The following NPM1 variants were observed in gnomAD, a reference collection of about 807,000 sequenced individuals.
NPM1 encodes nucleophosmin 1.
In NPM1, 1 loss-of-function variant was observed where a neutral mutation model predicts 44.1. The ratio of observed to expected loss-of-function variants is 0.02; its 90% CI spans 0.01 to 0.11. The LOEUF (loss-of-function observed/expected upper bound fraction) is 0.11. Ranked by LOEUF, NPM1 falls within the 10% of genes least tolerant of loss-of-function variation. The pLI is 1.00. For synonymous variants in NPM1, 126 were observed against 111.8 expected (o/e 1.13, Z -0.80); for missense variants, 197 against 347.8 (o/e 0.57, Z 3.45).
intron 6 of NPM1, among the ~76,000 whole-genome samples, chr5:171,394,096 C>T (rs12520481): frequency 0.42 from 58,437 of 138,184 alleles, 11,886 homozygotes; most frequent in East Asian, 0.56. Context: ...GGCTGGAGTG[C>T]GGTGGCGCCA....
intron 2 of NPM1, among the ~76,000 whole-genome samples, chr5:171,390,562 C>T (rs1161840458): frequency 6.6e-6 from 1 of 152,158 alleles, no homozygotes; most frequent in Non-Finnish European, 1.5e-5. Context: ...CTGAGGACAA[C>T]ATTGCACAAA....
intron 8 of NPM1, among the ~76,000 whole-genome samples, 192 bp from the exon 9 acceptor site, chr5:171,405,110 T>A (rs1771492864): frequency 6.6e-6 from 1 of 152,204 alleles, no homozygotes; most frequent in Non-Finnish European, 1.5e-5. Context: ...GCTAATCATC[T>A]TATTCCTTCC....
chr5:171,410,366 A>G (rs1303947018), intron 10 of NPM1, among the ~76,000 whole-genome samples, 161 bp from the exon 11 acceptor site: 1 of 152,238 alleles, frequency 6.6e-6, no homozygotes, highest in Non-Finnish European at 1.5e-5. Flanking sequence ...ATTAAATTAC[A>G]TCTGAGTATA....
In NPM1 at chr5:171,387,877, G is replaced by T. The variant is rs984784034; in HGVS notation, c.-72G>T. 2.1e-6 allele frequency: 3 copies of T among 1,395,490 alleles called. No homozygotes were observed. Among genetic ancestry groups the T allele is most frequent in the South Asian group, 1.2e-5 (1 of 86,086 alleles). 86.4% of individuals were successfully genotyped at this position (1,395,490 alleles called of 1,614,324 possible). On this transcript the variant is annotated 5_prime_UTR_variant, in exon 1 of 11. Transcript: ENST00000296930. ...TCCCTGGTGTGATTCCGTCCTGCGC[G>T]GTTGTTCTCTGGAGCAGCGTTCTTT...
chr5:171,400,236 T>G (rs1289211425), intron 7 of NPM1, 26 bp downstream of exon 7: 23 of 1,612,950 alleles, frequency 1.4e-5, no homozygotes, highest in Non-Finnish European at 1.9e-5. Context: ...GCTACAAGGT[T>G]GTTAAACTAA....
chr5:171,388,878 A>G (rs182335376), intron 1 of NPM1, among the ~76,000 whole-genome samples: 1 of 152,344 alleles, frequency 6.6e-6, no homozygotes, highest in East Asian at 1.9e-4. Flanking sequence ...TGTACTTAGT[A>G]AAGGCAATAA....
At chr5:171,387,823 A>C (rs934276518), upstream of NPM1, 4 of 865,732 alleles carry the variant, frequency 4.6e-6, no homozygotes, top group Middle Eastern at 3.4e-4. Context: ...TTCAGGGTCT[A>C]TATATAAGCG....
chr5:171,388,078 G>GGTGGGGGGGGGA, intron 1 of NPM1, 72 bp downstream of exon 1: 2 of 616,752 alleles, frequency 3.2e-6, no homozygotes, highest in Non-Finnish European at 6.1e-6. Context: ...TGAGGGGCGG[G>GGTGGGGGGGGGA]AATCCGGCTG....
chr5:171,405,525 G>A, intron 9 of NPM1, 122 bp downstream of exon 9: 2 of 643,674 alleles, frequency 3.1e-6, no homozygotes, highest in Non-Finnish European at 2.8e-6. Flanking sequence ...TGCCTGGTTC[G>A]TGGTATGAAT....
chr5:171,407,940 T>C (rs182308046), intron 10 of NPM1, among the ~76,000 whole-genome samples, 166 bp downstream of exon 10: 1 of 152,338 alleles, frequency 6.6e-6, no homozygotes, highest in East Asian at 1.9e-4. Flanking sequence ...ATGAAATGCA[T>C]GAAGAATACA....
intron 6 of NPM1, among the ~76,000 whole-genome samples, chr5:171,397,225 C>T (rs775243914): frequency 1.3e-5 from 2 of 152,174 alleles, no homozygotes; most frequent in Admixed American, 6.5e-5. Flanking sequence ...ATAGCATTAT[C>T]AGTACTCCAT....
At chr5:171,387,662 G>C (rs998351364), upstream of NPM1, 4 of 479,338 alleles carry the variant, frequency 8.3e-6, no homozygotes, top group African/African-American at 7.9e-5. Flanking sequence ...CGCGTGCTCG[G>C]TGGGAGCCCG....
chr5:171,389,376 T>G (rs1770451074), intron 1 of NPM1, among the ~76,000 whole-genome samples: 1 of 152,264 alleles, frequency 6.6e-6, no homozygotes, highest in African/African-American at 2.4e-5. Context: ...ATTTTGCCCA[T>G]TCATGGAGTG....
At chr5:171,391,157 A>C in intron 2 of NPM1, 148 bp from the exon 3 acceptor site, 1 of 882,808 alleles carries the variant, frequency 1.1e-6, no homozygotes, top group Non-Finnish European at 1.7e-6. Flanking sequence ...CATTCTTATG[A>C]TTGTACAAAG....
At chr5:171,390,001 T>G in intron 1 of NPM1, 50 bp from the exon 2 acceptor site, 2 of 1,136,618 alleles carry the variant, frequency 1.8e-6, no homozygotes, top group Non-Finnish European at 1.3e-6. Context: ...ACACTTAAGT[T>G]TCAGTGTTAT....
chr5:171,396,159 T>C (rs1581245363), intron 6 of NPM1, among the ~76,000 whole-genome samples: 1 of 152,168 alleles, frequency 6.6e-6, no homozygotes, highest in East Asian at 1.9e-4. Flanking sequence ...TTTTGTATTT[T>C]TAATAGAGAT....
chr5:171,406,032 T>C (rs1771542764), intron 9 of NPM1, among the ~76,000 whole-genome samples: 1 of 152,176 alleles, frequency 6.6e-6, no homozygotes, highest in Non-Finnish European at 1.5e-5. Context: ...GAGTAGGATA[T>C]GGAATAAATG....
intron 6 of NPM1, among the ~76,000 whole-genome samples, chr5:171,399,541 G>T (rs921557237): frequency 6.6e-6 from 1 of 152,138 alleles, no homozygotes; most frequent in South Asian, 2.1e-4. Context: ...CAGTTCTTGG[G>T]TTTGTTTATA....
At chr5:171,395,325 G>T (rs1770825658) in intron 6 of NPM1, among the ~76,000 whole-genome samples, 1 of 151,290 alleles carries the variant, frequency 6.6e-6, no homozygotes. Flanking sequence ...TTTTCGGCAA[G>T]TCTCGCTCTT....
Sources: gnomAD v4.1 joint callset for allele counts (sites outside exome capture counted in the v4.1 genomes callset) on GRCh38, gnomAD v4.1.1 for gene constraint, MANE v1.5 for transcripts, NCBI Gene and HGNC (gene_info 2026-07-23, HGNC 2026-07-21) for gene names.